The following GREB1L variants were observed in gnomAD, a reference collection of about 807,000 sequenced individuals.
The protein encoded by GREB1L is GREB1 like retinoic acid receptor coactivator, also known as GREB1-like protein.
GREB1L carries 17 observed loss-of-function variants against 200.8 expected under a neutral mutation model. The ratio of observed to expected loss-of-function variants is 0.08; its 90% CI spans 0.06 to 0.13. The LOEUF is 0.13. Ranked by LOEUF, GREB1L falls within the 10% of genes least tolerant of loss-of-function variation. The pLI, the probability that GREB1L is intolerant of heterozygous loss-of-function variation, is 1.00. For synonymous variants in GREB1L, 789 were observed against 893.0 expected (o/e 0.88, Z 2.08); for missense variants, 1,657 against 2,367.7 (o/e 0.70, Z 6.23).
intron 7 of GREB1L, among the ~76,000 whole-genome samples, chr18:21,413,895 AC>A (rs1466558166): frequency 6.6e-6 from 1 of 152,256 alleles, no homozygotes; most frequent in African/African-American, 2.4e-5. Flanking sequence ...CACTTATTAC[AC>A]TAGCCAAAAT....
chr18:21,423,399 G>A (rs1346706851), intron 7 of GREB1L, among the ~76,000 whole-genome samples: 1 of 152,166 alleles, frequency 6.6e-6, no homozygotes, highest in Non-Finnish European at 1.5e-5. Context: ...GAGTTTAAGG[G>A]AAGGACTTAG....
intron 1 of GREB1L, among the ~76,000 whole-genome samples, chr18:21,313,806 C>A (rs1256470409): frequency 6.6e-6 from 1 of 152,204 alleles, no homozygotes; most frequent in Non-Finnish European, 1.5e-5. Context: ...TTCTTAGAAT[C>A]TGCCAAAGTA....
intron 15 of GREB1L, among the ~76,000 whole-genome samples, chr18:21,465,145 G>A (rs1270083756): frequency 6.6e-6 from 1 of 152,084 alleles, no homozygotes; most frequent in African/African-American, 2.4e-5. Context: ...CAATTTTCAA[G>A]TGTAAAATAT....
intron 27 of GREB1L, among the ~76,000 whole-genome samples, chr18:21,511,849 G>T (rs540985828): frequency 1.3e-5 from 2 of 152,236 alleles, no homozygotes; most frequent in South Asian, 4.2e-4. Context: ...GGTCTGTGTT[G>T]CTCAGGCTGC....
intron 31 of GREB1L, among the ~76,000 whole-genome samples, chr18:21,519,539 G>A (rs572444698): frequency 6.6e-6 from 1 of 152,296 alleles, no homozygotes; most frequent in Non-Finnish European, 1.5e-5. Context: ...AAAGATGTAT[G>A]TAATTTACAT....
intron 4 of GREB1L, among the ~76,000 whole-genome samples, chr18:21,392,765 A>AT (rs200235052): frequency 6.6e-6 from 1 of 151,386 alleles, no homozygotes; most frequent in Non-Finnish European, 1.5e-5. Flanking sequence ...TTAAATTTTA[A>AT]TTTTTTTTCT....
At chr18:21,433,850 C>T (rs2033337014) in intron 7 of GREB1L, among the ~76,000 whole-genome samples, 3 of 152,154 alleles carry the variant, frequency 2.0e-5, no homozygotes, top group African/African-American at 4.8e-5. Context: ...CTGTGTTAAT[C>T]GATCTAGCTG....
intron 1 of GREB1L, among the ~76,000 whole-genome samples, chr18:21,320,691 G>A (rs1233647195): frequency 4.6e-5 from 7 of 151,926 alleles, no homozygotes; most frequent in Non-Finnish European, 5.9e-5. Context: ...GCATGAACCC[G>A]GGAGGCGGAG....
intron 1 of GREB1L, among the ~76,000 whole-genome samples, chr18:21,288,648 T>C (rs2038396566): frequency 6.6e-6 from 1 of 152,214 alleles, no homozygotes; most frequent in Non-Finnish European, 1.5e-5. Flanking sequence ...AATTTTGAGA[T>C]AAATTCTGGG....
chr18:21,502,036 G>A (rs905172654), intron 23 of GREB1L, among the ~76,000 whole-genome samples: 6 of 152,158 alleles, frequency 3.9e-5, no homozygotes, highest in African/African-American at 4.8e-5. Flanking sequence ...CAAGGCGGGC[G>A]GATCACCTGA....
At chr18:21,405,385 A>G (rs2030063966) in intron 7 of GREB1L, among the ~76,000 whole-genome samples, 1 of 152,264 alleles carries the variant, frequency 6.6e-6, no homozygotes, top group Non-Finnish European at 1.5e-5. Context: ...AAACCACAGT[A>G]TTAAAAGCTA....
chr18:21,329,407 A>G (rs1329066647), intron 1 of GREB1L, among the ~76,000 whole-genome samples: 1 of 151,634 alleles, frequency 6.6e-6, no homozygotes, highest in Non-Finnish European at 1.5e-5. Context: ...GGGCAAAATA[A>G]TGAAATGTTT....
rs2036700022 is a variant in GREB1L, at chr18:21,499,795, C to T, written c.3458C>T (p.Thr1153Ile). 6.4e-7 allele frequency: 1 copy of T among 1,551,872 alleles called. No individual in the cohort carries two copies. The highest frequency in any genetic ancestry group is 2.0e-5 in the Admixed American group (1 of 50,986). Residue 1153 changes from threonine to isoleucine, a missense_variant, in exon 22 of 33, where the codon ACC becomes ATC. Thr to Ile is a moderately conservative substitution (Grantham distance 89). Around this residue, in one of 9 missense-constraint regions of GREB1L, gnomAD observed 512 missense variants for 668.3 expected, o/e 0.77. Transcript: ENST00000424526. ...GACAAGTCCCAGAAGCAGTCCCTGA[C>T]CCCCAGCTTTCAGAGCCCAGCCACC... ...TADKSQKQSL[T>I]PSFQSPATSL... is the part of the protein sequence containing the mutation.
At chr18:21,401,910 G>T (rs1428841224) in intron 6 of GREB1L, 6 of 152,136 alleles carry the variant, frequency 3.9e-5, no homozygotes, top group African/African-American at 1.4e-4. Context: ...CTAAAGAAAA[G>T]AAGTATTTAA....
At chr18:21,401,540 T>A (rs1212395923) in intron 6 of GREB1L, among the ~76,000 whole-genome samples, 1 of 152,198 alleles carries the variant, frequency 6.6e-6, no homozygotes, top group Admixed American at 6.5e-5. Flanking sequence ...AATGTCTCTG[T>A]ATTCGTCTCT....
At chr18:21,514,268 G>T (rs1479830513) in intron 28 of GREB1L, among the ~76,000 whole-genome samples, 1 of 152,166 alleles carries the variant, frequency 6.6e-6, no homozygotes, top group African/African-American at 2.4e-5. Context: ...TGTAATTCCA[G>T]CACTTTGAGA....
intron 1 of GREB1L, among the ~76,000 whole-genome samples, chr18:21,268,560 C>CACACACATAT (rs1204514384): frequency 1.3e-3 from 84 of 63,522 alleles, no homozygotes; most frequent in Non-Finnish European, 1.6e-3. Flanking sequence ...CACACACACA[C>CACACACATAT]ATATATATAT....
At chr18:21,266,536 C>A (rs2037970412) in intron 1 of GREB1L, among the ~76,000 whole-genome samples, 1 of 152,154 alleles carries the variant, frequency 6.6e-6, no homozygotes, top group Non-Finnish European at 1.5e-5. Context: ...GCTGAGGGCC[C>A]CCTGCAGCTG....
chr18:21,267,416 A>G (rs891159147), intron 1 of GREB1L, among the ~76,000 whole-genome samples: 1 of 151,768 alleles, frequency 6.6e-6, no homozygotes, highest in African/African-American at 2.4e-5. Flanking sequence ...TCCTGACCTC[A>G]GGTGATCTAC....
Sources: allele counts gnomAD v4.1 joint callset (sites outside exome capture counted in the v4.1 genomes callset), GRCh38; gene constraint gnomAD v4.1.1; regional missense constraint gnomAD v4.1.1; transcripts MANE v1.5; gene names NCBI Gene and HGNC (gene_info 2026-07-23, HGNC 2026-07-21).